The following SDK1 variants were observed in gnomAD, a reference collection of about 807,000 sequenced individuals.
SDK1 encodes the protein sidekick cell adhesion molecule 1.
In SDK1, 157 loss-of-function variants were observed where a neutral mutation model predicts 245.5. The observed-to-expected ratio is 0.64, with a 90% CI of 0.56 to 0.73. The LOEUF (loss-of-function observed/expected upper bound fraction) is 0.73, where lower values mean the gene tolerates loss of function less well. SDK1 is among the 30% of genes least tolerant of loss of function. The pLI, the probability that SDK1 is intolerant of heterozygous loss-of-function variation, is 0.00. For missense variants in SDK1, 3,583 were observed against 3,002.3 expected (o/e 1.19, Z -4.52); for synonymous variants, 1,647 against 1,278.5 (o/e 1.29, Z -6.15).
At chr7:3,929,028 G>C (rs1158596380) in intron 5 of SDK1, among the ~76,000 whole-genome samples, 1 of 152,250 alleles carries the variant, frequency 6.6e-6, no homozygotes, top group Non-Finnish European at 1.5e-5. Flanking sequence ...AGTGTCACCA[G>C]AGGACACATC....
At chr7:3,566,505 G>A (rs970817599) in intron 1 of SDK1, among the ~76,000 whole-genome samples, 5 of 152,116 alleles carry the variant, frequency 3.3e-5, no homozygotes, top group South Asian at 2.1e-4. Flanking sequence ...GATTACAGGC[G>A]TGAGCCACCA....
chr7:3,348,552 G>A (rs538866164), intron 1 of SDK1, among the ~76,000 whole-genome samples: 4 of 152,250 alleles, frequency 2.6e-5, no homozygotes, highest in East Asian at 1.9e-4. Flanking sequence ...CTACTAGAGC[G>A]GGAGGGAGGA....
At chr7:3,492,693 C>T (rs17133437) in intron 1 of SDK1, among the ~76,000 whole-genome samples, 14,573 of 152,182 alleles carry the variant, frequency 0.096, 960 homozygotes, top group African/African-American at 0.18. Flanking sequence ...TTGACTGATG[C>T]TCTCTCTGTT....
chr7:3,632,344 C>T (rs1034437676), intron 2 of SDK1, among the ~76,000 whole-genome samples: 6 of 152,180 alleles, frequency 3.9e-5, no homozygotes, highest in Non-Finnish European at 7.4e-5. Flanking sequence ...ACGGGAATCC[C>T]AGAGGAGGAG....
chr7:3,635,440 A>C (rs1782427202), intron 2 of SDK1, among the ~76,000 whole-genome samples: 1 of 152,194 alleles, frequency 6.6e-6, no homozygotes, highest in South Asian at 2.1e-4. Context: ...CAGGTTGCCT[A>C]ATTGTGCATA....
At chr7:3,688,103 G>A (rs559641487) in intron 4 of SDK1, among the ~76,000 whole-genome samples, 121 of 152,346 alleles carry the variant, frequency 7.9e-4, no homozygotes, top group African/African-American at 2.7e-3. Context: ...GACAATCAGT[G>A]CTCAGTGTAG....
chr7:3,498,969 T>C (rs926167409), intron 1 of SDK1, among the ~76,000 whole-genome samples: 1 of 152,202 alleles, frequency 6.6e-6, no homozygotes, highest in Non-Finnish European at 1.5e-5. Flanking sequence ...CACTAACTTT[T>C]ATTGGTTGAT....
At chr7:3,803,630 T>G (rs1779167016) in intron 4 of SDK1, among the ~76,000 whole-genome samples, 1 of 152,064 alleles carries the variant, frequency 6.6e-6, no homozygotes, top group Non-Finnish European at 1.5e-5. Flanking sequence ...CATTTTCTAA[T>G]TGGATTTTTT....
intron 37 of SDK1, 52 bp downstream of exon 37, chr7:4,208,337 G>C: frequency 6.5e-7 from 1 of 1,546,866 alleles, no homozygotes; most frequent in Non-Finnish European, 8.9e-7. Context: ...CACGTGTTTT[G>C]AGAGCGCCAG....
At chr7:4,232,392 C>CTT (rs1178308855) in intron 40 of SDK1, among the ~76,000 whole-genome samples, 1 of 81,792 alleles carries the variant, frequency 1.2e-5, no homozygotes, top group East Asian at 2.8e-4. Context: ...TTCTTTTTTT[C>CTT]TTTTCTTTTC....
intron 14 of SDK1, among the ~76,000 whole-genome samples, chr7:3,997,641 C>T (rs1784778889): frequency 6.6e-6 from 1 of 152,126 alleles, no homozygotes; most frequent in Non-Finnish European, 1.5e-5. Flanking sequence ...TCTGGCTGAG[C>T]CCAGGGTTTT....
intron 5 of SDK1, among the ~76,000 whole-genome samples, chr7:3,831,802 T>C (rs962482184): frequency 1.3e-5 from 2 of 151,982 alleles, no homozygotes; most frequent in African/African-American, 4.8e-5. Context: ...TGCCCAGTGC[T>C]TTGGGAGGCT....
intron 22 of SDK1, among the ~76,000 whole-genome samples, chr7:4,105,214 C>G (rs1240602858): frequency 2.0e-5 from 3 of 152,078 alleles, no homozygotes; most frequent in South Asian, 4.2e-4. Flanking sequence ...AACTCCTGAC[C>G]TCCGGTGATC....
At chr7:3,462,485 C>A (rs903350701) in intron 1 of SDK1, among the ~76,000 whole-genome samples, 9 of 152,148 alleles carry the variant, frequency 5.9e-5, no homozygotes, top group African/African-American at 2.2e-4. Flanking sequence ...TTTGAATTGT[C>A]CTTTTATGTA....
At position 4,076,986 on chromosome 7, in the gene SDK1, G is replaced by C. The variant is rs761020499; in HGVS notation, c.3011-12G>C. ...AGGAGACCAACACTGGTCTGGTCCT[G>C]TTGCTTTCTAGGCTATCAGATCTCT... On this transcript the variant is annotated splice_polypyrimidine_tract_variant and intron_variant, in intron 20 of 44. Coordinates refer to ENST00000404826, the MANE Select transcript of SDK1 (RefSeq NM_152744.4). The C allele has an allele frequency of 1.2e-6, 2 of 1,612,908 alleles. No individual in the cohort carries two copies. Among genetic ancestry groups the C allele is most frequent in the South Asian group, 2.2e-5 (2 of 91,018 alleles).
intron 4 of SDK1, among the ~76,000 whole-genome samples, chr7:3,801,719 C>CT (rs1424527997): frequency 3.9e-5 from 6 of 152,184 alleles, no homozygotes; most frequent in African/African-American, 1.4e-4. Flanking sequence ...GTTCCTTCTC[C>CT]TCTTGCTTCC....
intron 1 of SDK1, among the ~76,000 whole-genome samples, chr7:3,501,855 T>C (rs1490331643): frequency 6.6e-6 from 1 of 152,212 alleles, no homozygotes; most frequent in East Asian, 1.9e-4. Flanking sequence ...TCTCTAAGAT[T>C]CTGTATTATG....
chr7:3,553,155 T>C (rs1779469304), intron 1 of SDK1, among the ~76,000 whole-genome samples: 1 of 152,136 alleles, frequency 6.6e-6, no homozygotes, highest in African/African-American at 2.4e-5. Context: ...CCTTATATTG[T>C]ACAACAATAG....
chr7:3,925,517 G>C (rs893800653), intron 5 of SDK1, among the ~76,000 whole-genome samples: 16 of 152,194 alleles, frequency 1.1e-4, no homozygotes, highest in African/African-American at 3.6e-4. Flanking sequence ...TTTTAATCCA[G>C]ATACAGAGTG....
Sources: gnomAD v4.1 joint callset for allele counts (sites outside exome capture counted in the v4.1 genomes callset) on GRCh38, gnomAD v4.1.1 for gene constraint, MANE v1.5 for transcripts, NCBI Gene and HGNC (gene_info 2026-07-23, HGNC 2026-07-21) for gene names.